The following MPP7 variants were observed in gnomAD, a reference collection of about 807,000 sequenced individuals.
The protein encoded by MPP7 is MAGUK p55 scaffold protein 7, also known as MAGUK p55 subfamily member 7.
MPP7 carries 60 observed loss-of-function variants against 76.5 expected under a neutral mutation model. The ratio of observed to expected loss-of-function variants is 0.78; its 90% CI spans 0.64 to 0.97. The LOEUF (loss-of-function observed/expected upper bound fraction) is 0.97, where lower values mean the gene tolerates loss of function less well. MPP7 is among the 50% of genes least tolerant of loss of function. The probability of loss-of-function intolerance (pLI) is 0.00; values close to 1 mark genes in which losing one functional copy is unlikely to be tolerated. For synonymous variants in MPP7, 237 were observed against 244.5 expected, an observed-to-expected ratio of 0.97 and a Z score of 0.29; for missense variants, 641 against 694.0, an observed-to-expected ratio of 0.92 and a Z score of 0.86.
At chr10:28,217,454 G>C (rs1361488097) in intron 2 of MPP7, among the ~76,000 whole-genome samples, 1 of 150,542 alleles carries the variant, frequency 6.6e-6, no homozygotes, top group Non-Finnish European at 1.5e-5. Context: ...TTGAACCCGG[G>C]AGGCAGAGGT....
chr10:28,306,664 T>TAGAG (rs772241963), upstream of MPP7, among the ~76,000 whole-genome samples: 32 of 41,266 alleles, frequency 7.8e-4, no homozygotes, highest in Non-Finnish European at 1.1e-3. Context: ...AGATGATAGA[T>TAGAG]AGATAGAGAG....
chr10:28,319,743 A>T (rs1440887843), intron 2 of MPP7, among the ~76,000 whole-genome samples: 1 of 152,166 alleles, frequency 6.6e-6, no homozygotes, highest in Non-Finnish European at 1.5e-5. Flanking sequence ...TGGGAGGCCA[A>T]CGCAGGTGGA....
At chr10:28,243,096 AAAG>A (rs1839322743) in intron 1 of MPP7, among the ~76,000 whole-genome samples, 1 of 152,144 alleles carries the variant, frequency 6.6e-6, no homozygotes, top group African/African-American at 2.4e-5. Flanking sequence ...TTTTAACTTA[AAAG>A]AACAACTGAA....
chr10:28,245,474 T>TA lies in MPP7; in HGVS notation c.-131-6740dup, dbSNP rs144166666. Among the ~76,000 whole-genome samples the TA allele has an allele frequency of 2.9e-3, 439 of 152,230 alleles. 4 individuals carry two copies. Among genetic ancestry groups the TA allele is most frequent in the African/African-American group, 0.01 (417 of 41,546 alleles). On this transcript the variant is annotated intron_variant, in intron 1 of 16. Transcript: ENST00000683449. ...CCTCATCATTTTACCTATAGGGAGATAGCACAGCCTAACAATGAGAGCACA... is the reference window on the plus strand; with the variant it reads ...CCTCATCATTTTACCTATAGGGAGATAAGCACAGCCTAACAATGAGAGCACA...
chr10:28,076,579 A>G (rs1038036626), intron 12 of MPP7, among the ~76,000 whole-genome samples: 3 of 151,984 alleles, frequency 2.0e-5, no homozygotes, highest in Admixed American at 6.6e-5. Flanking sequence ...ACAGCAAAAC[A>G]CTATTATAAA....
chr10:28,204,054 C>G (rs1365055992), intron 2 of MPP7, among the ~76,000 whole-genome samples: 3 of 152,118 alleles, frequency 2.0e-5, no homozygotes, highest in African/African-American at 7.2e-5. Flanking sequence ...TAGATTCAAA[C>G]TCAAAGTCTA....
chr10:28,110,784 C>T (rs916045748), intron 11 of MPP7, among the ~76,000 whole-genome samples: 1 of 151,960 alleles, frequency 6.6e-6, no homozygotes, highest in African/African-American at 2.4e-5. Context: ...GAGAAGGTTC[C>T]CCTAGATCCT....
rs563501569 is a variant in MPP7 at position 28,265,251 on chromosome 10, G to A, written c.-131-26516C>T. On this transcript the variant is annotated intron_variant, in intron 1 of 16. Coordinates refer to ENST00000683449, the MANE Select transcript of MPP7 (RefSeq NM_001318170.2). ...AATGTTTAAAAGAACAGAATTATGA[G>A]CTCAGCTCATATCAAAATGCATTTA... Among the ~76,000 whole-genome samples, 21 of 152,308 alleles carry A rather than the reference G, an allele frequency of 1.4e-4. No individual in the cohort carries two copies. The South Asian group carries it at 4.4e-3, about 32-fold the overall frequency.
chr10:28,229,984 G>C (rs757819235), intron 2 of MPP7, among the ~76,000 whole-genome samples: 1 of 152,132 alleles, frequency 6.6e-6, no homozygotes, highest in South Asian at 2.1e-4. Context: ...ACATGACACA[G>C]TAGCATGTAA....
At chr10:28,142,698 G>A (rs1235512170) in intron 5 of MPP7, among the ~76,000 whole-genome samples, 4 of 152,084 alleles carry the variant, frequency 2.6e-5, no homozygotes, top group African/African-American at 4.8e-5. Flanking sequence ...GCCACTGCAC[G>A]CCAACCTGGG....
At chr10:28,093,860 T>C (rs915311911) in intron 11 of MPP7, among the ~76,000 whole-genome samples, 8 of 152,224 alleles carry the variant, frequency 5.3e-5, no homozygotes, top group South Asian at 2.1e-4. Flanking sequence ...GTTGCATAGA[T>C]AGTTGGGTGA....
intron 2 of MPP7, among the ~76,000 whole-genome samples, chr10:28,327,337 C>A (rs1013333585): frequency 6.7e-6 from 1 of 149,312 alleles, no homozygotes. Context: ...GTTTCAAATT[C>A]ATTGGACTGT....
chr10:28,111,166 G>A (rs1434769476), intron 11 of MPP7, among the ~76,000 whole-genome samples: 1 of 151,454 alleles, frequency 6.6e-6, no homozygotes, highest in African/African-American at 2.4e-5. Context: ...TAAATGTGCA[G>A]AAAATGCAAT....
chr10:28,114,023 G>A (rs532042304), intron 11 of MPP7, among the ~76,000 whole-genome samples: 2 of 152,320 alleles, frequency 1.3e-5, no homozygotes, highest in East Asian at 3.9e-4. Flanking sequence ...TCTCTCCAGT[G>A]TTATCAAGAG....
At chr10:28,195,288 C>T (rs897345157) in intron 3 of MPP7, among the ~76,000 whole-genome samples, 5 of 152,138 alleles carry the variant, frequency 3.3e-5, no homozygotes, top group Non-Finnish European at 7.3e-5. Flanking sequence ...TTATACACTG[C>T]TGGTGGGAAT....
At chr10:28,211,252 C>A (rs1838124646) in intron 2 of MPP7, among the ~76,000 whole-genome samples, 1 of 152,130 alleles carries the variant, frequency 6.6e-6, no homozygotes, top group Admixed American at 6.6e-5. Flanking sequence ...GAGTACACCA[C>A]TGCACCTGGT....
At chr10:28,184,220 T>C (rs537395736) in intron 3 of MPP7, among the ~76,000 whole-genome samples, 2 of 148,360 alleles carry the variant, frequency 1.3e-5, no homozygotes, top group South Asian at 2.1e-4. Context: ...ATGTTAAATA[T>C]ACCTTTATCT....
chr10:28,236,570 A>G (rs546311335), intron 2 of MPP7: 5 of 152,118 alleles, frequency 3.3e-5, no homozygotes, highest in African/African-American at 7.2e-5. Flanking sequence ...TCAAACGGAG[A>G]AAAAAAATGA....
chr10:28,254,347 G>T (rs957997055), intron 1 of MPP7, among the ~76,000 whole-genome samples: 21 of 152,126 alleles, frequency 1.4e-4, no homozygotes, highest in Non-Finnish European at 3.1e-4. Flanking sequence ...AAAATAAAAG[G>T]TTCCCAAGTG....
Sources: gnomAD v4.1 joint callset for allele counts (sites outside exome capture counted in the v4.1 genomes callset) on GRCh38, gnomAD v4.1.1 for gene constraint, MANE v1.5 for transcripts, NCBI Gene and HGNC (gene_info 2026-07-23, HGNC 2026-07-21) for gene names.